QRICH2: variants seen among roughly 807,000 people sequenced by gnomAD.
QRICH2 encodes the protein glutamine rich 2, also known as glutamine-rich protein 2.
In QRICH2, 119 loss-of-function variants were observed where a neutral mutation model predicts 168.3. That is an observed-to-expected ratio of 0.71 (90% CI 0.61 to 0.82). The LOEUF (loss-of-function observed/expected upper bound fraction) is 0.82. QRICH2 is among the 40% of genes least tolerant of loss of function. QRICH2 has a pLI of 0.00. For synonymous variants in QRICH2, 894 were observed against 951.2 expected (o/e 0.94, Z 1.11); for missense variants, 2,241 against 2,491.6 (o/e 0.90, Z 2.14).
Position 76,307,914 on chromosome 17 carries a change from C to G in QRICH2, c.85G>C (p.Ala29Pro). ...TPEVGAVNFTALHTLIVAMLK... is the reference protein window; with the variant it reads ...TPEVGAVNFTPLHTLIVAMLK... ...ATGGCCACGATGAGCGTGTGCAGGGCCGTGAAGTTGACGGCGCCCACCTCT... is the reference window on the plus strand; with the variant it reads ...ATGGCCACGATGAGCGTGTGCAGGGGCGTGAAGTTGACGGCGCCCACCTCT... The change falls in exon 1 of 19, where the codon GCC becomes CCC. Residue 29 changes from alanine to proline, a missense_variant. Transcript: ENST00000680821. The surrounding 1 kb of genome is among the most constrained non-coding windows in gnomAD (Gnocchi z 5.3). 7 of 1,241,194 alleles carry G rather than the reference C, an allele frequency of 5.6e-6. No homozygotes were observed. Among genetic ancestry groups the G allele is most frequent in the Non-Finnish European group, 7.0e-6 (7 of 993,120 alleles). 76.9% of individuals were successfully genotyped at this position (1,241,194 alleles called of 1,614,324 possible). A position where few individuals can be genotyped will look rare whatever the true frequency, so the allele number is the denominator to read the frequency against.
At position 76,292,228 on chromosome 17, in the gene QRICH2, T is replaced by G; in HGVS notation, c.2499A>C (p.Gln833His). ...QPGVDQRGLV[Q>H]PGAVQRGLVQ... ...CCAAACCACGCTGAACTGCACCAGG[T>G]TGAACCAAACCACGCTGATCCACTC... Residue 833 changes from glutamine to histidine, a missense_variant, in exon 4 of 19, where the codon CAA becomes CAC. Physicochemically the swap from Gln to His is conservative, Grantham distance 24. Around this residue, in one of 3 missense-constraint regions of QRICH2, gnomAD observed 2,047 missense variants for 2,303.8 expected, o/e 0.89. Coordinates refer to ENST00000680821, the MANE Select transcript of QRICH2 (RefSeq NM_001388453.1). The G allele has an allele frequency of 6.2e-7, 1 of 1,602,026 alleles. No individual in the cohort carries two copies. Among genetic ancestry groups the G allele is most frequent in the Non-Finnish European group, 8.5e-7 (1 of 1,176,412 alleles).
Position 76,299,132 on chromosome 17 carries a change from A to G in QRICH2, c.706-5111T>C, listed in dbSNP as rs115045906. Among the ~76,000 whole-genome samples, 466 of 152,196 alleles carry G rather than the reference A, an allele frequency of 3.1e-3. 2 individuals are homozygous for G. Among genetic ancestry groups the G allele is most frequent in the African/African-American group, 0.01 (434 of 41,544 alleles). The stretch of plus-strand genomic sequence containing the variant: ...ATGACCAAATTGTTTTCCGATCGCC[A>G]ACCTACCTTCACCTGAATAAAATCA... On this transcript the variant is annotated intron_variant, in intron 3 of 18. Coordinates refer to ENST00000680821, the MANE Select transcript of QRICH2 (RefSeq NM_001388453.1).
At chr17:76,290,188 ATTAC>A (rs746922710) in intron 4 of QRICH2, 111 bp from the exon 5 acceptor site, 176 of 717,552 alleles carry the variant, frequency 2.5e-4, no homozygotes, top group Middle Eastern at 6.0e-4. Flanking sequence ...AGCAGGACCT[ATTAC>A]TTTATCCTGT....
rs1346160891 is a variant in QRICH2, at chr17:76,281,824, A to G, written c.4263+40T>C. 1 of 1,601,292 alleles carries G rather than the reference A, an allele frequency of 6.2e-7. No homozygotes were observed. The highest frequency in any genetic ancestry group is 1.3e-5 in the African/African-American group (1 of 74,748). On this transcript the variant is annotated intron_variant, in intron 8 of 18. Transcript: ENST00000680821. The surrounding 1 kb of genome is among the most constrained non-coding windows in gnomAD (Gnocchi z 4.4). ...CAGGGTGGCCCTCCTCTGTGGGGCC[A>G]TGTCCAGTTGCAGCAGGAGGGAGGC...
In QRICH2 at chr17:76,292,947, C is replaced by T; in HGVS notation, c.1780G>A (p.Gly594Ser). 3 of 1,614,012 alleles carry T rather than the reference C, an allele frequency of 1.9e-6. No homozygotes were observed. The highest frequency in any genetic ancestry group is 2.5e-6 in the Non-Finnish European group (3 of 1,180,020). ...GAYQPGLVQP[G>S]ADQRGLVRPG... ...CGGACCAAACCACGCTGATCTGCAC[C>T]AGGTTGGACCAAGCCAGGCTGATAT... The change falls in exon 4 of 19, where the codon GGT (glycine) becomes AGT (serine). Residue 594 changes from glycine (G) to serine (S), a missense_variant. Transcript: ENST00000680821.
Position 76,284,168 on chromosome 17 carries a change from CAAAAAAAAAAAAAA to C in QRICH2, c.4012-2067_4012-2054del, listed in dbSNP as rs61553346. 1.6e-3 allele frequency among the ~76,000 whole-genome samples: 98 copies of C among 62,748 alleles called. 18 individuals are homozygous for C. The highest frequency in any genetic ancestry group is 0.01 in the African/African-American group (95 of 9,188). The allele number at this position is 62,748 out of a possible 152,430, so 41.2% of individuals were successfully genotyped here. Reference sequence around the variant, plus strand: ...GGGCAACAGAGCAAAACTCTGTCTCCAAAAAAAAAAAAAAAAAAAAAAAAAAAATGCACAAAGAG... The same window carrying C: ...GGGCAACAGAGCAAAACTCTGTCTCCAAAAAAAAAAAAAATGCACAAAGAG... On this transcript the variant is annotated intron_variant, in intron 7 of 18. Transcript: ENST00000680821.
intron 7 of QRICH2, among the ~76,000 whole-genome samples, chr17:76,283,094 G>A (rs1306679780): frequency 6.6e-6 from 1 of 152,138 alleles, no homozygotes; most frequent in African/African-American, 2.4e-5. Flanking sequence ...ACATCCCCAG[G>A]GCAGCATCCT....
In QRICH2 at chr17:76,276,785, T is replaced by C; in HGVS notation, c.5266-18A>G. The C allele has an allele frequency of 6.3e-7, 1 of 1,593,206 alleles. No individual in the cohort carries two copies. The highest frequency in any genetic ancestry group is 8.6e-7 in the Non-Finnish European group (1 of 1,165,770). Reference sequence around the variant, plus strand: ...TCATCATGCTGTAGAAGTGAACAGATACCGTCGCCACTGTAGCAGCCACAG... The same window carrying C: ...TCATCATGCTGTAGAAGTGAACAGACACCGTCGCCACTGTAGCAGCCACAG... On this transcript the variant is annotated intron_variant, in intron 16 of 18. Transcript: ENST00000680821.
intron 7 of QRICH2, among the ~76,000 whole-genome samples, chr17:76,284,599 A>C (rs998154798): frequency 6.6e-6 from 1 of 151,834 alleles, no homozygotes; most frequent in African/African-American, 2.4e-5. Flanking sequence ...CGGGTGGATC[A>C]CGAGGTCAGG....
At chr17:76,277,742 A>ACACTCATACACACACG (rs1421293984) in intron 15 of QRICH2, among the ~76,000 whole-genome samples, 33 of 151,914 alleles carry the variant, frequency 2.2e-4, no homozygotes, top group African/African-American at 7.5e-4. Context: ...ACTCACTCCC[A>ACACTCATACACACACG]CACTCATACA....
At chr17:76,290,974 CA>C in intron 4 of QRICH2, 40 bp downstream of exon 4, 1 of 1,587,256 alleles carries the variant, frequency 6.3e-7, no homozygotes, top group Non-Finnish European at 8.6e-7. Context: ...CAACTGAAAA[CA>C]GAGACAATGG....
In QRICH2 at chr17:76,280,072, G is replaced by A. The variant is rs749242055; in HGVS notation, c.4709C>T (p.Pro1570Leu). The A allele has an allele frequency of 5.8e-5, 94 of 1,613,502 alleles. No homozygotes were observed. Among genetic ancestry groups the A allele is most frequent in the Admixed American group, 1.3e-4 (8 of 59,980 alleles). ...CGCCTCGTCTGCCTGGTAGAGTGGG[G>A]GGCGCTCCCTGAGCTGCTGTCGCAG... ...KSLRQQLRER[P>L]PLYQADEAAA... The change falls in exon 12 of 19, where the codon CCC becomes CTC. Residue 1570 changes from proline to leucine, a missense_variant. By Grantham distance (98) the Pro-to-Leu change is moderately conservative. Transcript: ENST00000680821. This position sits in a 1 kb window ranked among gnomAD's most constrained non-coding sequence, Gnocchi z 7.4.
intron 3 of QRICH2, among the ~76,000 whole-genome samples, chr17:76,294,327 G>A (rs1211848888): frequency 6.6e-6 from 1 of 152,162 alleles, no homozygotes; most frequent in Non-Finnish European, 1.5e-5. Flanking sequence ...AGGAAGCTGA[G>A]GCAGGAGAAT....
chr17:76,282,863 A>G (rs2070814193), intron 7 of QRICH2, among the ~76,000 whole-genome samples: 1 of 152,174 alleles, frequency 6.6e-6, no homozygotes, highest in Non-Finnish European at 1.5e-5. Flanking sequence ...GGGTGATGGA[A>G]CAGAAAGGAC....
chr17:76,279,191 G>T (rs748208184), intron 13 of QRICH2, 49 bp from the exon 14 acceptor site: 13 of 1,484,190 alleles, frequency 8.8e-6, no homozygotes, highest in Non-Finnish European at 1.2e-5. Flanking sequence ...GGACAAGTCC[G>T]GTCCCCCAAA....
At chr17:76,290,179 G>A (rs892278866) in intron 4 of QRICH2, 102 bp from the exon 5 acceptor site, 2 of 783,164 alleles carry the variant, frequency 2.6e-6, no homozygotes, top group Admixed American at 2.1e-5. Context: ...CTAGAGGACA[G>A]CAGGACCTAT....
intron 3 of QRICH2, among the ~76,000 whole-genome samples, chr17:76,297,880 T>TTGTTTGTTTTTTG (rs1568123617): frequency 7.2e-6 from 1 of 138,528 alleles, no homozygotes; most frequent in African/African-American, 2.7e-5. Context: ...GTTTTTTTTT[T>TTGTTTGTTTTTTG]TTTTTTTTTT....
chr17:76,282,188 GC>G, intron 7 of QRICH2, 73 bp from the exon 8 acceptor site: 1 of 1,504,274 alleles, frequency 6.6e-7, no homozygotes, highest in Non-Finnish European at 8.9e-7. Flanking sequence ...TGCTGGCACT[GC>G]CCCTAGCCTG....
intron 4 of QRICH2, among the ~76,000 whole-genome samples, chr17:76,290,575 T>G (rs1452966420): frequency 6.6e-6 from 1 of 151,980 alleles, no homozygotes; most frequent in African/African-American, 2.4e-5. Flanking sequence ...TTGGTAGAGA[T>G]AGAGTTTTGC....
Sources: gnomAD v4.1 joint callset for allele counts (sites outside exome capture counted in the v4.1 genomes callset) on GRCh38, gnomAD v4.1.1 for gene constraint, gnomAD v4.1.1 regional missense constraint, Gnocchi (gnomAD v3.1) non-coding constraint, MANE v1.5 for transcripts, NCBI Gene and HGNC (gene_info 2026-07-23, HGNC 2026-07-21) for gene names.